EDDM3A: variants seen among roughly 807,000 people sequenced by gnomAD.
EDDM3A encodes the protein epididymal protein 3A.
For synonymous variants in EDDM3A, 75 were observed against 60.4 expected, an observed-to-expected ratio of 1.24 and a Z score of -1.12; for missense variants, 199 against 177.4, an observed-to-expected ratio of 1.12 and a Z score of -0.69.
In EDDM3A at chr14:20,747,793, C is replaced by T; in HGVS notation, c.213C>T (p.Ser71=). The part of the protein sequence containing the change: ...KGKSFHMFIY[S]LWFKIQRACI... Reference sequence around the variant, plus strand: ...AGAGCTTTCATATGTTCATCTATAGCTTATGGTTCAAAATTCAGCGTGCAT... The same window carrying T: ...AGAGCTTTCATATGTTCATCTATAGTTTATGGTTCAAAATTCAGCGTGCAT... The change falls in exon 2 of 2, where the codon AGC becomes AGT. Residue 71 remains serine, a synonymous_variant. Coordinates refer to ENST00000326842, the MANE Select transcript of EDDM3A (RefSeq NM_006683.5). The T allele has an allele frequency of 1.2e-6, 2 of 1,614,052 alleles. No homozygotes were observed. Among genetic ancestry groups the T allele is most frequent in the Non-Finnish European group, 1.7e-6 (2 of 1,179,988 alleles).
At chr14:20,745,343 G>A (rs1441490787), upstream of EDDM3A, among the ~76,000 whole-genome samples, 5 of 151,886 alleles carry the variant, frequency 3.3e-5, no homozygotes, top group African/African-American at 9.7e-5. Flanking sequence ...TGGCTAACAC[G>A]GTGAAACCCC....
chr14:20,742,671 T>C (rs1037590840), upstream of EDDM3A, among the ~76,000 whole-genome samples: 2 of 152,130 alleles, frequency 1.3e-5, no homozygotes, highest in Non-Finnish European at 2.9e-5. Flanking sequence ...AGTCCAGCCT[T>C]AAACTTCTAA....
chr14:20,739,713 T>C, the EDDM3A span, among the ~76,000 whole-genome samples: 2,918 of 152,322 alleles, frequency 0.019, 100 homozygotes, highest in African/African-American at 0.066. Flanking sequence ...TCTCTAATGA[T>C]AATAATACAC....
intron 1 of EDDM3A, among the ~76,000 whole-genome samples, chr14:20,746,441 T>C: frequency 6.6e-6 from 1 of 152,192 alleles, no homozygotes; most frequent in Non-Finnish European, 1.5e-5. Context: ...ATACTCCTCA[T>C]GGCAAATGAG....
chr14:20,742,011 G>A (rs779945334), upstream of EDDM3A, among the ~76,000 whole-genome samples: 3 of 152,190 alleles, frequency 2.0e-5, no homozygotes, highest in Non-Finnish European at 2.9e-5. Flanking sequence ...TCTTACATAT[G>A]CCTGAATACC....
chr14:20,747,509 T>C, intron 1 of EDDM3A, 46 bp from the exon 2 acceptor site: 1 of 1,239,416 alleles, frequency 8.1e-7, no homozygotes, highest in South Asian at 1.5e-5. Context: ...GGAGCTCAGC[T>C]CTCTGAGTAT....
In EDDM3A at chr14:20,747,598, G is replaced by T. The variant is rs754690133; in HGVS notation, c.18G>T (p.Lys6Asn). The change falls in exon 2 of 2, where the codon AAG becomes AAT. Residue 6 changes from lysine (K) to asparagine (N), a missense_variant. Coordinates refer to ENST00000326842, the MANE Select transcript of EDDM3A (RefSeq NM_006683.5). ...TGACTGAGATGACATCCTCTCTAAA[G>T]ATTTGGGGCATACTCTTGGCCCTGC... MTSSL[K>N]IWGILLALLC... The T allele has an allele frequency of 6.2e-7, 1 of 1,608,038 alleles. No homozygotes were observed. Among genetic ancestry groups the T allele is most frequent in the Non-Finnish European group, 8.5e-7 (1 of 1,176,696 alleles).
At chr14:20,747,441 A>G (rs17211691) in intron 1 of EDDM3A, 114 bp from the exon 2 acceptor site, 225,195 of 634,658 alleles carry the variant, frequency 0.35, 41,226 homozygotes, top group Admixed American at 0.44. Context: ...TCTAATATGG[A>G]ACCAAATAGC....
At chr14:20,740,447 C>T in the EDDM3A span, among the ~76,000 whole-genome samples, 2 of 152,326 alleles carry the variant, frequency 1.3e-5, no homozygotes, top group East Asian at 3.9e-4. Context: ...GAAAACATCT[C>T]TGGTAAGTGT....
upstream of EDDM3A, among the ~76,000 whole-genome samples, chr14:20,744,441 G>T (rs1877523719): frequency 6.6e-6 from 1 of 152,198 alleles, no homozygotes; most frequent in Admixed American, 6.5e-5. Context: ...TGTTAGAAAA[G>T]ATTTGCAAGA....
At chr14:20,738,798 C>CA in the EDDM3A span, among the ~76,000 whole-genome samples, 1 of 152,146 alleles carries the variant, frequency 6.6e-6, no homozygotes, top group African/African-American at 2.4e-5. Flanking sequence ...ATGCCATCTT[C>CA]AGCTAATGCA....
At chr14:20,745,217 C>A (rs1414546817), upstream of EDDM3A, among the ~76,000 whole-genome samples, 4 of 101,800 alleles carry the variant, frequency 3.9e-5, no homozygotes, top group African/African-American at 8.0e-5. Context: ...CAGAGCAAGA[C>A]CCTGTCAAAA....
intron 1 of EDDM3A, among the ~76,000 whole-genome samples, chr14:20,746,595 C>T (rs937753417): frequency 7.9e-5 from 12 of 152,288 alleles, no homozygotes; most frequent in Admixed American, 3.9e-4. Context: ...TTTATGATGG[C>T]ATTGTCAATA....
At chr14:20,739,270 G>T in the EDDM3A span, among the ~76,000 whole-genome samples, 4 of 152,202 alleles carry the variant, frequency 2.6e-5, no homozygotes, top group African/African-American at 9.7e-5. Context: ...TATTAGGTTT[G>T]TATATCAGTG....
the EDDM3A span, among the ~76,000 whole-genome samples, chr14:20,738,385 C>T: frequency 0.014 from 2,202 of 151,892 alleles, 55 homozygotes; most frequent in African/African-American, 0.05. Flanking sequence ...GCAGAATAAT[C>T]GCTTGAATTT....
At chr14:20,747,024 G>T (rs1877611505) in intron 1 of EDDM3A, among the ~76,000 whole-genome samples, 2 of 138,450 alleles carry the variant, frequency 1.4e-5, no homozygotes, top group African/African-American at 5.6e-5. Flanking sequence ...ATTCTCAAAA[G>T]GTACTTTATC....
chr14:20,747,417 G>A (rs1000653709), intron 1 of EDDM3A, 138 bp from the exon 2 acceptor site: 4 of 598,504 alleles, frequency 6.7e-6, no homozygotes, highest in Non-Finnish European at 1.2e-5. Flanking sequence ...ATTCTTTAAT[G>A]AGAATCATCA....
At chr14:20,745,658 A>G (rs1432315908), upstream of EDDM3A, among the ~76,000 whole-genome samples, 1 of 152,162 alleles carries the variant, frequency 6.6e-6, no homozygotes, top group Non-Finnish European at 1.5e-5. Context: ...ATAGCACCAG[A>G]TAACCCTTTT....
Position 20,748,216 on chromosome 14 carries a change from A to G in EDDM3A, c.*192A>G, listed in dbSNP as rs966888628. 4 of 519,752 alleles carry G rather than the reference A, an allele frequency of 7.7e-6. No individual in the cohort carries two copies. In the African/African-American group the frequency reaches 7.7e-5, roughly 10 times the overall value. 32.2% of individuals were successfully genotyped at this position (519,752 alleles called of 1,614,324 possible). A position where few individuals can be genotyped will look rare whatever the true frequency, so the allele number is the denominator to read the frequency against. The stretch of plus-strand genomic sequence containing the variant: ...GTGTGGTTTCTGTATCTGTAATACA[A>G]TTTTGTCCTAATTTGCCTAATTTAC... On this transcript the variant is annotated 3_prime_UTR_variant, in exon 2 of 2. Coordinates refer to ENST00000326842, the MANE Select transcript of EDDM3A (RefSeq NM_006683.5).
Sources: allele counts gnomAD v4.1 joint callset (sites outside exome capture counted in the v4.1 genomes callset), GRCh38; gene constraint gnomAD v4.1.1; transcripts MANE v1.5; gene names NCBI Gene and HGNC (gene_info 2026-07-23, HGNC 2026-07-21).